Variants in SDK1 observed in about 807,000 individuals in gnomAD.
SDK1 encodes protein sidekick-1.
A neutral mutation model predicts 245.5 loss-of-function variants in SDK1; 157 were observed. The ratio of observed to expected loss-of-function variants is 0.64; its 90% confidence interval spans 0.56 to 0.73. The LOEUF is 0.73. Among genes scored for constraint, SDK1 ranks in the 30% least tolerant of loss-of-function variants. The pLI is 0.00. For synonymous variants in SDK1, 1,647 were observed against 1,278.5 expected (o/e 1.29, Z -6.15); for missense variants, 3,583 against 3,002.3 (o/e 1.19, Z -4.52).
At chr7:3,618,302 G>T (rs564264070) in intron 1 of SDK1, among the ~76,000 whole-genome samples, 1 of 152,038 alleles carries the variant, frequency 6.6e-6, no homozygotes, top group African/African-American at 2.4e-5. Context: ...CTTCACCCCC[G>T]TCGCTATCCC....
intron 4 of SDK1, among the ~76,000 whole-genome samples, chr7:3,725,068 T>G (rs1169652200): frequency 6.6e-6 from 1 of 152,260 alleles, no homozygotes; most frequent in African/African-American, 2.4e-5. Context: ...ATGGGCCTAG[T>G]TGTTACTTTT....
intron 4 of SDK1, among the ~76,000 whole-genome samples, chr7:3,819,974 C>G (rs574633725): frequency 6.6e-6 from 1 of 152,272 alleles, no homozygotes; most frequent in East Asian, 1.9e-4. Flanking sequence ...AGTGCTGTAA[C>G]TATTCCCTAT....
rs186303036 is a variant in SDK1, at chr7:3,391,244, A to G, written c.298+89360A>G. 5.9e-5 allele frequency among the ~76,000 whole-genome samples: 9 copies of G among 152,320 alleles called. No homozygotes were observed. The East Asian group carries it at 1.5e-3, about 26-fold the overall frequency. ...TATTTGCCCTGAGCTCACCAGCGAAATAATAGATAGACTCCATAGAAGTCA... is the reference window on the plus strand; with the variant it reads ...TATTTGCCCTGAGCTCACCAGCGAAGTAATAGATAGACTCCATAGAAGTCA... On this transcript the variant is annotated intron_variant, in intron 1 of 44. Coordinates refer to ENST00000404826, the MANE Select transcript of SDK1 (RefSeq NM_152744.4).
chr7:3,349,720 C>T (rs956648925), intron 1 of SDK1, among the ~76,000 whole-genome samples: 1 of 152,174 alleles, frequency 6.6e-6, no homozygotes, highest in Non-Finnish European at 1.5e-5. Flanking sequence ...CTGCCTCAGC[C>T]TCCCGAGTGG....
chr7:3,848,624 G>C (rs890438779), intron 5 of SDK1, among the ~76,000 whole-genome samples: 10 of 151,852 alleles, frequency 6.6e-5, no homozygotes, highest in Admixed American at 2.0e-4. Flanking sequence ...AGGGAACATA[G>C]AAGACCACCA....
rs141424650 is a variant in SDK1, at chr7:3,606,376, G to T, written c.299-12704G>T. 4.8e-3 allele frequency among the ~76,000 whole-genome samples: 725 copies of T among 152,292 alleles called. 3 individuals carry two copies. Among genetic ancestry groups the T allele is most frequent in the African/African-American group, 0.016 (675 of 41,554 alleles). ...TCCCGGCTTCAGCACTTGTAGCCCAGTTGCATCAGGGTTGAGTGCGGAGTG... is the reference window on the plus strand; with the variant it reads ...TCCCGGCTTCAGCACTTGTAGCCCATTTGCATCAGGGTTGAGTGCGGAGTG... On this transcript the variant is annotated intron_variant, in intron 1 of 44. Transcript: ENST00000404826.
At chr7:3,449,303 A>G (rs1343926041) in intron 1 of SDK1, among the ~76,000 whole-genome samples, 1 of 151,332 alleles carries the variant, frequency 6.6e-6, no homozygotes, top group African/African-American at 2.4e-5. Flanking sequence ...GATCAGATCC[A>G]TACACATCTT....
chr7:3,315,403 TTGAG>T (rs77123075), intron 1 of SDK1, among the ~76,000 whole-genome samples: 33,675 of 151,852 alleles, frequency 0.22, 4,090 homozygotes, highest in African/African-American at 0.35. Context: ...GAACTGATCT[TTGAG>T]TGCACCCCTG....
At chr7:3,938,439 G>T (rs765352911) in intron 5 of SDK1, among the ~76,000 whole-genome samples, 8 of 152,004 alleles carry the variant, frequency 5.3e-5, no homozygotes, top group Non-Finnish European at 8.8e-5. Context: ...TCAGGAGATC[G>T]TGACTAACCT....
At chr7:3,579,357 A>G (rs565798022) in intron 1 of SDK1, among the ~76,000 whole-genome samples, 3 of 152,366 alleles carry the variant, frequency 2.0e-5, no homozygotes, top group Admixed American at 1.3e-4. Flanking sequence ...CCTGGGATGC[A>G]AGGTTGGTTC....
chr7:4,162,970 A>G (rs1781254291), intron 32 of SDK1, among the ~76,000 whole-genome samples: 1 of 152,172 alleles, frequency 6.6e-6, no homozygotes, highest in Non-Finnish European at 1.5e-5. Context: ...AGCTGTGCGG[A>G]GGACTCAGCC....
At chr7:3,884,451 C>T (rs906962222) in intron 5 of SDK1, among the ~76,000 whole-genome samples, 14 of 152,306 alleles carry the variant, frequency 9.2e-5, no homozygotes, top group Middle Eastern at 3.4e-3. Context: ...AGGCCTCTAA[C>T]GTTTGCCTCT....
chr7:4,256,054 T>C (rs112639520), intron 44 of SDK1, among the ~76,000 whole-genome samples: 11,026 of 151,556 alleles, frequency 0.073, 519 homozygotes, highest in East Asian at 0.16. Context: ...CAAGTAGCTG[T>C]GATCACAGGT....
At chr7:3,728,892 G>A (rs1779090946) in intron 4 of SDK1, among the ~76,000 whole-genome samples, 1 of 152,056 alleles carries the variant, frequency 6.6e-6, no homozygotes, top group Admixed American at 6.5e-5. Flanking sequence ...GTGAGCCACC[G>A]CACTGGACCA....
chr7:3,915,874 T>C (rs1779358223), intron 5 of SDK1, among the ~76,000 whole-genome samples: 1 of 152,190 alleles, frequency 6.6e-6, no homozygotes, highest in Non-Finnish European at 1.5e-5. Flanking sequence ...TACTTACTTT[T>C]TTATTTAGTG....
chr7:3,383,092 A>T (rs1214032227), intron 1 of SDK1, among the ~76,000 whole-genome samples: 1 of 152,202 alleles, frequency 6.6e-6, no homozygotes, highest in Non-Finnish European at 1.5e-5. Flanking sequence ...CGCTAAAAAA[A>T]ATCCCATTCA....
In SDK1 at chr7:3,346,245, C is replaced by T. The variant is rs555387865; in HGVS notation, c.298+44361C>T. Among the ~76,000 whole-genome samples the T allele has an allele frequency of 6.8e-4, 103 of 152,184 alleles. 5 individuals are homozygous for T. The South Asian group carries it at 0.02, about 30-fold the overall frequency. On this transcript the variant is annotated intron_variant, in intron 1 of 44. Transcript: ENST00000404826. Reference sequence around the variant, plus strand: ...TGTGGGCACCAGCGAGAAGAGGAGTCCTGCCAGCTTGTCTGCAGCTCTGGG... The same window carrying T: ...TGTGGGCACCAGCGAGAAGAGGAGTTCTGCCAGCTTGTCTGCAGCTCTGGG...
intron 4 of SDK1, among the ~76,000 whole-genome samples, chr7:3,780,723 C>T (rs535758568): frequency 6.6e-6 from 1 of 151,888 alleles, no homozygotes; most frequent in Non-Finnish European, 1.5e-5. Context: ...AAAGCCCACC[C>T]AACCACCCTG....
chr7:3,771,613 A>G (rs753360829), intron 4 of SDK1, among the ~76,000 whole-genome samples: 3 of 152,208 alleles, frequency 2.0e-5, no homozygotes, highest in African/African-American at 7.2e-5. Context: ...GAAGCCATCC[A>G]TCATGGAAAG....
Sources: gnomAD v4.1 joint callset for allele counts (sites outside exome capture counted in the v4.1 genomes callset) on GRCh38, gnomAD v4.1.1 for gene constraint, MANE v1.5 for transcripts, NCBI Gene and HGNC (gene_info 2026-07-23, HGNC 2026-07-21) for gene names.